The following MAD1L1 variants were observed in gnomAD, a reference collection of about 807,000 sequenced individuals.
MAD1L1 encodes mitotic arrest deficient 1 like 1.
In MAD1L1, 95 loss-of-function variants were observed where a neutral mutation model predicts 96.9. The observed-to-expected ratio is 0.98, with a 90% CI of 0.83 to 1.16. MAD1L1 has a LOEUF of 1.16. Ranked by LOEUF, MAD1L1 falls within the 50% of genes most tolerant of loss-of-function variation. MAD1L1 has a pLI of 0.00. For missense variants in MAD1L1, 1,007 were observed against 954.4 expected, an observed-to-expected ratio of 1.06 and a Z score of -0.73; for synonymous variants, 473 against 396.6, an observed-to-expected ratio of 1.19 and a Z score of -2.29.
At chr7:1,973,745 C>T (rs1204964937) in intron 15 of MAD1L1, among the ~76,000 whole-genome samples, 1 of 152,132 alleles carries the variant, frequency 6.6e-6, no homozygotes, top group Admixed American at 6.5e-5. Flanking sequence ...GGGTTGAAGA[C>T]CCCCCTCCAC....
intron 14 of MAD1L1, among the ~76,000 whole-genome samples, chr7:1,995,046 G>A (rs779249793): frequency 6.6e-6 from 1 of 152,212 alleles, no homozygotes; most frequent in Non-Finnish European, 1.5e-5. Flanking sequence ...AGACAGATGC[G>A]CAGCCACAGG....
rs892193229 is a variant in MAD1L1, at chr7:2,095,073, C to T, written c.1074-25735G>A. On this transcript the variant is annotated intron_variant, in intron 11 of 18. Transcript: ENST00000265854. ...CATATTTTTTTTTGAGGCAGAGTCTCGCTCTGTCGCCTAGGCTGGAGTGCA... is the reference window on the plus strand; with the variant it reads ...CATATTTTTTTTTGAGGCAGAGTCTTGCTCTGTCGCCTAGGCTGGAGTGCA... Among the ~76,000 whole-genome samples, 9 of 152,122 alleles carry T rather than the reference C, an allele frequency of 5.9e-5. No homozygotes were observed. In the East Asian group the frequency reaches 9.6e-4, roughly 16 times the overall value.
At chr7:1,953,937 CAGA>C (rs1278118977) in intron 16 of MAD1L1, among the ~76,000 whole-genome samples, 1 of 152,214 alleles carries the variant, frequency 6.6e-6, no homozygotes, top group African/African-American at 2.4e-5. Flanking sequence ...CCCGCCCAGC[CAGA>C]AGGTCAGTGT....
chr7:1,894,540 G>T (rs945852640), intron 18 of MAD1L1, among the ~76,000 whole-genome samples: 10 of 152,236 alleles, frequency 6.6e-5, no homozygotes, highest in African/African-American at 2.4e-4. Context: ...GTGAGCCACA[G>T]TTACTTCTAC....
intron 16 of MAD1L1, among the ~76,000 whole-genome samples, chr7:1,943,850 G>C (rs942622006): frequency 6.6e-6 from 1 of 152,186 alleles, no homozygotes; most frequent in African/African-American, 2.4e-5. Flanking sequence ...GGCGATGACT[G>C]GATATGTAAG....
chr7:2,076,911 C>T (rs985644954), intron 11 of MAD1L1, among the ~76,000 whole-genome samples: 5 of 151,074 alleles, frequency 3.3e-5, no homozygotes, highest in African/African-American at 7.3e-5. Flanking sequence ...ACATAGTGAG[C>T]CCACAGCATG....
chr7:1,957,534 G>T (rs1262835776), intron 16 of MAD1L1, 95 bp downstream of exon 16: 3 of 1,195,268 alleles, frequency 2.5e-6, no homozygotes, highest in African/African-American at 1.5e-5. Flanking sequence ...CCAGAAAACG[G>T]GTGTTCTGTG....
chr7:2,052,798 T>C (rs1584197484), intron 12 of MAD1L1, among the ~76,000 whole-genome samples: 2 of 152,052 alleles, frequency 1.3e-5, no homozygotes, highest in African/African-American at 4.8e-5. Context: ...CACAGACTGC[T>C]GCCCGGAACA....
At chr7:1,889,145 A>G (rs1786378302) in intron 18 of MAD1L1, among the ~76,000 whole-genome samples, 2 of 152,220 alleles carry the variant, frequency 1.3e-5, no homozygotes, top group African/African-American at 4.8e-5. Context: ...ATAAAGGAAG[A>G]CAAGGCTTGA....
chr7:1,913,217 GA>G (rs1788132509), intron 17 of MAD1L1, among the ~76,000 whole-genome samples: 1 of 152,154 alleles, frequency 6.6e-6, no homozygotes, highest in Non-Finnish European at 1.5e-5. Context: ...GACTCGGGAA[GA>G]GGACACGGAA....
At chr7:1,996,407 A>G (rs1781565436) in intron 14 of MAD1L1, among the ~76,000 whole-genome samples, 1 of 152,164 alleles carries the variant, frequency 6.6e-6, no homozygotes, top group Non-Finnish European at 1.5e-5. Flanking sequence ...CGGTGTCCTC[A>G]GCCTCCCATG....
intron 12 of MAD1L1, among the ~76,000 whole-genome samples, chr7:2,043,350 G>T (rs1783776965): frequency 1.3e-5 from 2 of 152,212 alleles, no homozygotes; most frequent in African/African-American, 4.8e-5. Context: ...CATCCTCGGT[G>T]TCAGGGCAGC....
chr7:1,933,340 C>A (rs768229561), intron 17 of MAD1L1, among the ~76,000 whole-genome samples: 1 of 152,174 alleles, frequency 6.6e-6, no homozygotes, highest in Non-Finnish European at 1.5e-5. Flanking sequence ...CTGGGCTGCT[C>A]GGATACACAG....
intron 17 of MAD1L1, among the ~76,000 whole-genome samples, chr7:1,912,240 C>T (rs984295931): frequency 1.3e-5 from 2 of 152,188 alleles, no homozygotes; most frequent in Non-Finnish European, 1.5e-5. Context: ...CCAGCCCTGT[C>T]GACTGGATGA....
chr7:1,833,144 T>C (rs1365994578), intron 18 of MAD1L1, among the ~76,000 whole-genome samples: 2 of 152,256 alleles, frequency 1.3e-5, no homozygotes, highest in Non-Finnish European at 2.9e-5. Context: ...AATGCTATTG[T>C]ACACTTGACA....
intron 12 of MAD1L1, among the ~76,000 whole-genome samples, chr7:2,057,628 T>C (rs190847024): frequency 1.1e-4 from 16 of 152,080 alleles, no homozygotes; most frequent in African/African-American, 3.9e-4. Flanking sequence ...AGTCCACCTG[T>C]ATTATATGCT....
chr7:1,976,719 A>G (rs1780660004), intron 15 of MAD1L1, among the ~76,000 whole-genome samples: 1 of 152,194 alleles, frequency 6.6e-6, no homozygotes, highest in Admixed American at 6.5e-5. Context: ...GTCTGTTTTG[A>G]CACGGTGCTG....
chr7:1,940,681 G>A (rs894117651), intron 16 of MAD1L1: 2 of 152,388 alleles, frequency 1.3e-5, no homozygotes, highest in African/African-American at 4.8e-5. Context: ...AAAGCCGCAG[G>A]GCACACAAGG....
At chr7:2,188,404 G>C (rs1288871577) in intron 10 of MAD1L1, among the ~76,000 whole-genome samples, 1 of 152,174 alleles carries the variant, frequency 6.6e-6, no homozygotes, top group African/African-American at 2.4e-5. Flanking sequence ...TGAAAAGTTA[G>C]AACAAAGTTG....
Sources: gnomAD v4.1 joint callset for allele counts (sites outside exome capture counted in the v4.1 genomes callset) on GRCh38, gnomAD v4.1.1 for gene constraint, MANE v1.5 for transcripts, NCBI Gene and HGNC (gene_info 2026-07-23, HGNC 2026-07-21) for gene names.